The following PCDHGA12 variants were observed in gnomAD, a reference collection of about 807,000 sequenced individuals.
PCDHGA12 encodes the protein protocadherin gamma-A12.
A neutral mutation model predicts 61.1 loss-of-function variants in PCDHGA12; 43 were observed. That is an observed-to-expected ratio of 0.70 (90% CI 0.55 to 0.91). The LOEUF (loss-of-function observed/expected upper bound fraction) is 0.91, where lower values mean the gene tolerates loss of function less well. Ranked by LOEUF, PCDHGA12 falls within the 40% of genes least tolerant of loss-of-function variation. PCDHGA12 has a pLI of 0.00. For synonymous variants in PCDHGA12, 520 were observed against 542.9 expected, an observed-to-expected ratio of 0.96 and a Z score of 0.59; for missense variants, 1,236 against 1,227.7, an observed-to-expected ratio of 1.01 and a Z score of -0.10.
chr5:141,477,532 C>A lies in PCDHGA12; in HGVS notation c.2425-17275C>A. 6.2e-7 allele frequency: 1 copy of A among 1,614,146 alleles called. No individual in the cohort carries two copies. The highest frequency in any genetic ancestry group is 8.5e-7 in the Non-Finnish European group (1 of 1,180,028). ...TTTACATTGAAGAAAACAACCTCCC[C>A]GGGGCTCCAATACTAAACCTAAGTG... On this transcript the variant is annotated intron_variant, in intron 1 of 3. Coordinates refer to ENST00000252085, the MANE Select transcript of PCDHGA12 (RefSeq NM_003735.3). The surrounding 1 kb of genome is among the most constrained non-coding windows in gnomAD (Gnocchi z 4.9).
At position 141,432,374 on chromosome 5, in the gene PCDHGA12, C is replaced by G; in HGVS notation, c.1615C>G (p.His539Asp). The G allele has an allele frequency of 6.2e-7, 1 of 1,614,240 alleles. No individual in the cohort carries two copies. The highest frequency in any genetic ancestry group is 1.1e-5 in the South Asian group (1 of 91,082). ...GAAAGTGATGGCGCGGGACAACGGG[C>G]ACCCGCCCCTCAGCAGCAACGTGTC... ...QVKVMARDNG[H>D]PPLSSNVSLS... The change falls in exon 1 of 4, where the codon CAC (histidine) becomes GAC (aspartate). Residue 539 changes from histidine (H) to aspartate (D), a missense_variant. Transcript: ENST00000252085. The surrounding 1 kb of genome is among the most constrained non-coding windows in gnomAD (Gnocchi z 6.0).
chr5:141,470,680 T>C (rs1212361233), intron 1 of PCDHGA12, among the ~76,000 whole-genome samples: 1 of 152,090 alleles, frequency 6.6e-6, no homozygotes, highest in Non-Finnish European at 1.5e-5. Context: ...GCTGTTACCA[T>C]CTTGAAATTC....
At position 141,463,796 on chromosome 5, in the gene PCDHGA12, G is replaced by A. The variant is rs139760353; in HGVS notation, c.2424+30613G>A. ...ATCCTGCACTGTCTTTTGAACAAAT[G>A]TCTAAAAGCTTTTATCACACATTTT... On this transcript the variant is annotated intron_variant, in intron 1 of 3. Coordinates refer to ENST00000252085, the MANE Select transcript of PCDHGA12 (RefSeq NM_003735.3). Among the ~76,000 whole-genome samples, 155 of 152,232 alleles carry A rather than the reference G, an allele frequency of 1.0e-3. 1 individual carries two copies. The highest frequency in any genetic ancestry group is 3.4e-3 in the African/African-American group (140 of 41,538).
At chr5:141,456,702 C>T (rs1185842343) in intron 1 of PCDHGA12, among the ~76,000 whole-genome samples, 1 of 152,062 alleles carries the variant, frequency 6.6e-6, no homozygotes, top group Non-Finnish European at 1.5e-5. Flanking sequence ...TGGTGGCTCG[C>T]GCCTGTAATC....
chr5:141,460,377 T>C (rs1592666836), intron 1 of PCDHGA12, among the ~76,000 whole-genome samples: 1 of 152,342 alleles, frequency 6.6e-6, no homozygotes, highest in Non-Finnish European at 1.5e-5. Flanking sequence ...AGTTTTACCA[T>C]TTATAATTTG....
In PCDHGA12 at chr5:141,485,974, A is replaced by G. The variant is rs755735500; in HGVS notation, c.2425-8833A>G. 1.9e-6 allele frequency: 3 copies of G among 1,614,108 alleles called. No homozygotes were observed. The highest frequency in any genetic ancestry group is 1.7e-5 in the Admixed American group (1 of 60,014). On this transcript the variant is annotated intron_variant, in intron 1 of 3. Coordinates refer to ENST00000252085, the MANE Select transcript of PCDHGA12 (RefSeq NM_003735.3). This position sits in a 1 kb window ranked among gnomAD's most constrained non-coding sequence, Gnocchi z 5.7. ...TGGTGCTCATCCAGCTCAATGCCTC[A>G]GACCCGGACCTGGGTCCCAGTGGTA...
chr5:141,432,463 C>A lies in PCDHGA12; in HGVS notation c.1704C>A (p.Pro568=), dbSNP rs781407406. Residue 568 remains proline, a synonymous_variant, in exon 1 of 4, where the codon CCC becomes CCA. Transcript: ENST00000252085. The surrounding 1 kb of genome is among the most constrained non-coding windows in gnomAD (Gnocchi z 6.0). Reference sequence around the variant, plus strand: ...CCGAGATCCTGTACCCCGCCCTCCCCACGGACGGTTCCACTGGCGTGGAGC... The same window carrying A: ...CCGAGATCCTGTACCCCGCCCTCCCAACGGACGGTTCCACTGGCGTGGAGC... The part of the protein sequence containing the change: ...NAPEILYPAL[P]TDGSTGVELA... The A allele has an allele frequency of 5.6e-6, 9 of 1,614,120 alleles. No homozygotes were observed. In the Admixed American group the frequency reaches 1.3e-4, roughly 24 times the overall value.
Position 141,489,322 on chromosome 5 carries a change from T to C in PCDHGA12, c.2425-5485T>C. The C allele has an allele frequency of 6.2e-7, 1 of 1,601,052 alleles. No individual in the cohort carries two copies. Among genetic ancestry groups the C allele is most frequent in the Non-Finnish European group, 8.5e-7 (1 of 1,172,658 alleles). ...GTCCTTGTGCTGCTGGGGCTGGGTGTCTGGGCAGCTTCGTTACTCAGTGGT... is the reference window on the plus strand; with the variant it reads ...GTCCTTGTGCTGCTGGGGCTGGGTGCCTGGGCAGCTTCGTTACTCAGTGGT... On this transcript the variant is annotated intron_variant, in intron 1 of 3. Coordinates refer to ENST00000252085, the MANE Select transcript of PCDHGA12 (RefSeq NM_003735.3). The surrounding 1 kb of genome is among the most constrained non-coding windows in gnomAD (Gnocchi z 4.5).
At chr5:141,468,697 T>A (rs2099174099) in intron 1 of PCDHGA12, 1 of 151,646 alleles carries the variant, frequency 6.6e-6, no homozygotes, top group Non-Finnish European at 1.5e-5. Context: ...AAACCCCGTC[T>A]CTACTAAAAA....
At chr5:141,434,119 C>T (rs2097673106) in intron 1 of PCDHGA12, among the ~76,000 whole-genome samples, 1 of 152,180 alleles carries the variant, frequency 6.6e-6, no homozygotes, top group Non-Finnish European at 1.5e-5. Flanking sequence ...GCCTTTGGGA[C>T]TCCCTTTAGG....
chr5:141,458,718 C>T (rs569153299), intron 1 of PCDHGA12, among the ~76,000 whole-genome samples: 3 of 151,942 alleles, frequency 2.0e-5, no homozygotes, highest in African/African-American at 4.8e-5. Context: ...TACAGGTATT[C>T]GCCACCACAT....
At chr5:141,492,637 C>T (rs2099742781) in intron 1 of PCDHGA12, among the ~76,000 whole-genome samples, 1 of 152,260 alleles carries the variant, frequency 6.6e-6, no homozygotes, top group South Asian at 2.1e-4. Context: ...CTCTACGATC[C>T]TTGGGCCAGA....
rs554119295 is a variant in PCDHGA12 at position 141,482,963 on chromosome 5, C to T, written c.2425-11844C>T. 1.7e-4 allele frequency among the ~76,000 whole-genome samples: 10 copies of T among 57,958 alleles called. No homozygotes were observed. In the South Asian group the frequency reaches 4.5e-3, roughly 26 times the overall value. 38.0% of individuals were successfully genotyped at this position (57,958 alleles called of 152,430 possible). On this transcript the variant is annotated intron_variant, in intron 1 of 3. Coordinates refer to ENST00000252085, the MANE Select transcript of PCDHGA12 (RefSeq NM_003735.3). The stretch of plus-strand genomic sequence containing the variant: ...TTGTGGGTGCCTGTAATTCCAGCTA[C>T]TTGAGCAGCTACTTGAGAGGTCGAG...
At chr5:141,439,547 T>C (rs2098120171) in intron 1 of PCDHGA12, among the ~76,000 whole-genome samples, 2 of 152,180 alleles carry the variant, frequency 1.3e-5, no homozygotes, top group Non-Finnish European at 2.9e-5. Context: ...CTCTCATTTC[T>C]TCAGGCTGCA....
intron 2 of PCDHGA12, among the ~76,000 whole-genome samples, chr5:141,497,622 C>G (rs1434147255): frequency 6.6e-6 from 1 of 151,538 alleles, no homozygotes; most frequent in African/African-American, 2.4e-5. Context: ...TCACTGCAAC[C>G]TCTGCCTGCC....
chr5:141,492,740 C>T (rs1364102818), intron 1 of PCDHGA12, among the ~76,000 whole-genome samples: 1 of 152,238 alleles, frequency 6.6e-6, no homozygotes, highest in African/African-American at 2.4e-5. Context: ...GCCCAGTGGC[C>T]GAGGCGCGGC....
chr5:141,440,321 C>T (rs1048535776), intron 1 of PCDHGA12: 1 of 152,104 alleles, frequency 6.6e-6, no homozygotes, highest in African/African-American at 2.4e-5. Context: ...ACAAAAATTA[C>T]TGGGCATGGT....
intron 2 of PCDHGA12, among the ~76,000 whole-genome samples, chr5:141,502,404 C>G (rs1270930372): frequency 6.6e-6 from 1 of 151,880 alleles, no homozygotes; most frequent in African/African-American, 2.4e-5. Context: ...TGTCCCCGAA[C>G]CTGGATTTGC....
At chr5:141,506,609 T>C (rs1375963880) in intron 3 of PCDHGA12, among the ~76,000 whole-genome samples, 1 of 152,184 alleles carries the variant, frequency 6.6e-6, no homozygotes, top group African/African-American at 2.4e-5. Context: ...GATCTCATTG[T>C]GGTGTTACCA....
Sources: gnomAD v4.1 joint callset for allele counts (sites outside exome capture counted in the v4.1 genomes callset) on GRCh38, gnomAD v4.1.1 for gene constraint, Gnocchi (gnomAD v3.1) non-coding constraint, MANE v1.5 for transcripts, NCBI Gene and HGNC (gene_info 2026-07-23, HGNC 2026-07-21) for gene names.